Variants in TMPRSS12 observed in about 807,000 individuals in gnomAD.
The protein encoded by TMPRSS12 is transmembrane protease serine 12.
In TMPRSS12, 25 loss-of-function variants were observed where a neutral mutation model predicts 26.0. The observed-to-expected ratio is 0.96, with a 90% CI of 0.70 to 1.34. The LOEUF is 1.34. Among genes scored for constraint, TMPRSS12 ranks in the 40% most tolerant of loss-of-function variants. The pLI is 0.00. For synonymous variants in TMPRSS12, 150 were observed against 161.7 expected (o/e 0.93, Z 0.55); for missense variants, 441 against 440.1 (o/e 1.00, Z -0.02).
chr12:50,861,810 A>T (rs767691306), intron 3 of TMPRSS12, among the ~76,000 whole-genome samples: 12 of 150,298 alleles, frequency 8.0e-5, no homozygotes, highest in Non-Finnish European at 1.8e-4. Flanking sequence ...TATTATTAAT[A>T]TATCTTTTTT....
chr12:50,843,113 G>C lies in TMPRSS12; in HGVS notation c.149G>C (p.Arg50Thr), dbSNP rs939704333. The change falls in exon 1 of 5, where the codon AGG (arginine) becomes ACG (threonine). Residue 50 changes from arginine to threonine, a missense_variant. By Grantham distance (71) the Arg-to-Thr change is moderately conservative (BLOSUM62 -1). Coordinates refer to ENST00000398458, the MANE Select transcript of TMPRSS12 (RefSeq NM_182559.3). ...CAGCAGGCTGAGGCCGTCCGCAAGA[G>C]GCTCCGGCGGCGGAGGGAGGGAGGG... ...SSQQAEAVRK[R>T]LRRRREGGAH... is the part of the protein sequence containing the mutation. The C allele has an allele frequency of 6.3e-7, 1 of 1,576,626 alleles. No homozygotes were observed. The highest frequency in any genetic ancestry group is 8.6e-7 in the Non-Finnish European group (1 of 1,161,014).
At position 50,843,996 on chromosome 12, in the gene TMPRSS12, G is replaced by A. The variant is rs2139717351; in HGVS notation, c.342G>A (p.Glu114=). ...TATGTGGGGGAACCCTAGTGAGAGAGAGGTGGGTCCTCACAGCTGCCCACT... is the reference window on the plus strand; with the variant it reads ...TATGTGGGGGAACCCTAGTGAGAGAAAGGTGGGTCCTCACAGCTGCCCACT... ...VHVCGGTLVR[E]RWVLTAAHCT... is the part of the protein sequence containing the mutation. The change falls in exon 2 of 5, where the codon GAG becomes GAA. Residue 114 remains glutamate (E), a synonymous_variant. Transcript: ENST00000398458. 2 of 1,604,566 alleles carry A rather than the reference G, an allele frequency of 1.2e-6. No homozygotes were observed. Among genetic ancestry groups the A allele is most frequent in the Non-Finnish European group, 1.7e-6 (2 of 1,175,774 alleles).
intron 2 of TMPRSS12, among the ~76,000 whole-genome samples, chr12:50,856,983 C>G (rs1354031634): frequency 6.6e-6 from 1 of 152,086 alleles, no homozygotes; most frequent in African/African-American, 2.4e-5. Flanking sequence ...AGCCACCATG[C>G]CCGGCCTAGA....
intron 3 of TMPRSS12, among the ~76,000 whole-genome samples, chr12:50,878,018 CTT>C (rs1222344692): frequency 6.6e-6 from 1 of 152,128 alleles, no homozygotes. Flanking sequence ...TTAAAGAAGA[CTT>C]AAACTAAATG....
At chr12:50,864,252 T>G (rs1208515546) in intron 3 of TMPRSS12, among the ~76,000 whole-genome samples, 3 of 152,210 alleles carry the variant, frequency 2.0e-5, no homozygotes, top group Admixed American at 6.5e-5. Flanking sequence ...CAACATCAAA[T>G]GCAAATTATT....
intron 2 of TMPRSS12, among the ~76,000 whole-genome samples, chr12:50,854,852 T>C (rs1937860930): frequency 6.6e-6 from 1 of 152,182 alleles, no homozygotes; most frequent in Admixed American, 6.5e-5. Flanking sequence ...TGCTCATGGA[T>C]AGGAAGAATC....
chr12:50,868,391 A>T (rs1938011266), intron 3 of TMPRSS12, among the ~76,000 whole-genome samples: 1 of 152,244 alleles, frequency 6.6e-6, no homozygotes, highest in Non-Finnish European at 1.5e-5. Context: ...AGCAGTTAAA[A>T]AAGACAAAGA....
chr12:50,881,172 G>A (rs1278276435), intron 3 of TMPRSS12, among the ~76,000 whole-genome samples: 2 of 151,468 alleles, frequency 1.3e-5, no homozygotes, highest in East Asian at 1.9e-4. Flanking sequence ...TAGTAGAGAC[G>A]GGGTTTCTCC....
At position 50,885,325 on chromosome 12, in the gene TMPRSS12, G is replaced by A; in HGVS notation, c.732G>A (p.Gly244=). The A allele has an allele frequency of 6.2e-7, 1 of 1,613,530 alleles. No homozygotes were observed. Among genetic ancestry groups the A allele is most frequent in the Non-Finnish European group, 8.5e-7 (1 of 1,179,604 alleles). Residue 244 remains glycine (G), a synonymous_variant, in exon 4 of 5, where the codon GGG becomes GGA. Coordinates refer to ENST00000398458, the MANE Select transcript of TMPRSS12 (RefSeq NM_182559.3). ...REMCNSERSY[G]GIIPNTSFCA... is the part of the protein sequence containing the mutation. ...TGTGTAATTCTGAGAGGAGTTATGG[G>A]GGAATAATTCCTAACACTTCATTTT...
At chr12:50,875,220 T>C (rs1217618770) in intron 3 of TMPRSS12, among the ~76,000 whole-genome samples, 1 of 152,136 alleles carries the variant, frequency 6.6e-6, no homozygotes, top group Admixed American at 6.5e-5. Flanking sequence ...TTGGACATGG[T>C]GACTCTTGCC....
chr12:50,879,408 A>G (rs1227973055), intron 3 of TMPRSS12, among the ~76,000 whole-genome samples: 1 of 152,256 alleles, frequency 6.6e-6, no homozygotes, highest in Non-Finnish European at 1.5e-5. Context: ...TGTATAAAAA[A>G]AGATAATACA....
chr12:50,872,514 C>T (rs1410738333), intron 3 of TMPRSS12, among the ~76,000 whole-genome samples: 7 of 68,612 alleles, frequency 1.0e-4, no homozygotes, highest in East Asian at 7.2e-4. Context: ...AGCGAGACTC[C>T]GTCTCAAAAA....
intron 3 of TMPRSS12, among the ~76,000 whole-genome samples, chr12:50,876,632 G>C (rs112078786): frequency 1.3e-5 from 2 of 151,710 alleles, no homozygotes; most frequent in African/African-American, 4.9e-5. Context: ...GCGAAACCCC[G>C]TCTCTACTAA....
chr12:50,870,086 C>G (rs1393207364), intron 3 of TMPRSS12, among the ~76,000 whole-genome samples: 1 of 151,406 alleles, frequency 6.6e-6, no homozygotes, highest in African/African-American at 2.4e-5. Flanking sequence ...CCCAGCTACT[C>G]AGGGGGCTAA....
In TMPRSS12 at chr12:50,843,784, A is replaced by C. The variant is rs1475564929; in HGVS notation, c.188-58A>C. Reference sequence around the variant, plus strand: ...AGGATTGCATTAATATGTTCAGCTTAGGAAGTAACACATACTATAGATGCT... The same window carrying C: ...AGGATTGCATTAATATGTTCAGCTTCGGAAGTAACACATACTATAGATGCT... On this transcript the variant is annotated intron_variant, in intron 1 of 4. Transcript: ENST00000398458. 2.7e-6 allele frequency: 4 copies of C among 1,495,170 alleles called. No individual in the cohort carries two copies. In the African/African-American group the frequency reaches 4.2e-5, roughly 16 times the overall value. The allele number at this position is 1,495,170 out of a possible 1,614,324, so 92.6% of individuals were successfully genotyped here.
intron 2 of TMPRSS12, among the ~76,000 whole-genome samples, chr12:50,850,834 C>G (rs922672997): frequency 6.6e-6 from 1 of 152,172 alleles, no homozygotes; most frequent in African/African-American, 2.4e-5. Flanking sequence ...CCAGGAACAC[C>G]TCAGGTCTTC....
chr12:50,844,146 A>G lies in TMPRSS12; in HGVS notation c.383+109A>G, dbSNP rs1396774183. On this transcript the variant is annotated intron_variant, in intron 2 of 4. Coordinates refer to ENST00000398458, the MANE Select transcript of TMPRSS12 (RefSeq NM_182559.3). ...AGCTAAGCTATGTTTGCAAATAGCC[A>G]TAATGCCTTATATATAGTACAGTGT... 25 of 815,832 alleles carry G rather than the reference A, an allele frequency of 3.1e-5. No homozygotes were observed. In the East Asian group the frequency reaches 4.2e-4, roughly 14 times the overall value. 50.5% of individuals were successfully genotyped at this position (815,832 alleles called of 1,614,324 possible).
Position 50,885,393 on chromosome 12 carries a change from G to A in TMPRSS12, c.795+5G>A, listed in dbSNP as rs757967515. 3.1e-6 allele frequency: 5 copies of A among 1,613,740 alleles called. No individual in the cohort carries two copies. The highest frequency in any genetic ancestry group is 4.2e-6 in the Non-Finnish European group (5 of 1,179,834). On this transcript the variant is annotated splice_donor_5th_base_variant and intron_variant, in intron 4 of 4. Transcript: ENST00000398458. ...GGAGCTTTTGATACTTGCAGGGTAA[G>A]ACCAAGTAATTTTCCTTTAAAATAT... is the stretch of plus-strand genomic sequence containing the variant.
intron 3 of TMPRSS12, among the ~76,000 whole-genome samples, chr12:50,871,925 A>T (rs1165359140): frequency 1.5e-5 from 2 of 133,018 alleles, no homozygotes; most frequent in African/African-American, 5.5e-5. Flanking sequence ...TAATCAAAAA[A>T]TTAAAAAAAA....
Sources: allele counts gnomAD v4.1 joint callset (sites outside exome capture counted in the v4.1 genomes callset), GRCh38; gene constraint gnomAD v4.1.1; transcripts MANE v1.5; gene names NCBI Gene and HGNC (gene_info 2026-07-23, HGNC 2026-07-21).